Variants in CSE1L observed in about 807,000 individuals in gnomAD.
CSE1L encodes exportin-2.
In CSE1L, 24 loss-of-function variants were observed where a neutral mutation model predicts 120.4. That is an observed-to-expected ratio of 0.20 (90% CI 0.14 to 0.28). The LOEUF is 0.28. Ranked by LOEUF, CSE1L falls within the 10% of genes least tolerant of loss-of-function variation. The probability of loss-of-function intolerance (pLI) is 1.00; values close to 1 mark genes in which losing one functional copy is unlikely to be tolerated. For synonymous variants in CSE1L, 402 were observed against 398.3 expected, an observed-to-expected ratio of 1.01 and a Z score of -0.11; for missense variants, 830 against 1,145.2, an observed-to-expected ratio of 0.72 and a Z score of 3.97.
chr20:49,047,268 G>A (rs757109584), intron 1 of CSE1L, among the ~76,000 whole-genome samples: 1 of 151,996 alleles, frequency 6.6e-6, no homozygotes, highest in Non-Finnish European at 1.5e-5. Flanking sequence ...AATCTACCTC[G>A]GAAAGTGGCT....
intron 21 of CSE1L, 118 bp from the exon 22 acceptor site, chr20:49,091,928 A>G (rs2092104753): frequency 3.1e-6 from 2 of 643,196 alleles, no homozygotes; most frequent in Admixed American, 3.3e-5. Flanking sequence ...GAAGGCAGGT[A>G]TTGATGCCAC....
At chr20:49,087,919 T>C in intron 16 of CSE1L, 90 bp from the exon 17 acceptor site, 1 of 768,006 alleles carries the variant, frequency 1.3e-6, no homozygotes, top group South Asian at 1.7e-5. Context: ...ATTTAGTTGA[T>C]GAATTAGTGC....
chr20:49,073,305 G>A (rs529926360), intron 10 of CSE1L, among the ~76,000 whole-genome samples: 2 of 152,160 alleles, frequency 1.3e-5, no homozygotes, highest in South Asian at 2.1e-4. Flanking sequence ...GAGCCACCTC[G>A]CCCAGAAATA....
At position 49,084,152 on chromosome 20, in the gene CSE1L, A is replaced by G; in HGVS notation, c.1609A>G (p.Asn537Asp). 1 of 1,613,994 alleles carries G rather than the reference A, an allele frequency of 6.2e-7. No homozygotes were observed. The highest frequency in any genetic ancestry group is 8.5e-7 in the Non-Finnish European group (1 of 1,179,908). Residue 537 changes from asparagine (N) to aspartate (D), a missense_variant, in exon 15 of 25, where the codon AAT becomes GAT. Asn to Asp is a conservative substitution (Grantham distance 23). Transcript: ENST00000262982. ...GCTCTTTACTATGCGAGGGCCTAAC[A>G]ATGCCACTCTGTGAGTATTTTATTC... Reference protein sequence around the residue: ...ERLFTMRGPNNATLFTAAEIA... With the variant: ...ERLFTMRGPNDATLFTAAEIA...
intron 1 of CSE1L, among the ~76,000 whole-genome samples, chr20:49,054,927 TTCAAGGTTCAGC>T (rs2091794964): frequency 6.6e-6 from 1 of 152,260 alleles, no homozygotes; most frequent in South Asian, 2.1e-4. Context: ...ACACATATTT[TTCAAGGTTCAGC>T]TCAAGGCTCA....
chr20:49,069,896 A>G (rs932932378), intron 7 of CSE1L, among the ~76,000 whole-genome samples: 66 of 152,268 alleles, frequency 4.3e-4, no homozygotes, highest in African/African-American at 1.5e-3. Context: ...AAGGGGATGT[A>G]TTAGTATGCA....
chr20:49,079,428 A>G (rs1294894029), intron 14 of CSE1L, among the ~76,000 whole-genome samples: 2 of 147,414 alleles, frequency 1.4e-5, no homozygotes, highest in Non-Finnish European at 3.0e-5. Flanking sequence ...GGGTTTCCCC[A>G]TGTTGGCCAA....
At chr20:49,089,428 T>C in intron 18 of CSE1L, 31 bp downstream of exon 18, 1 of 1,607,722 alleles carries the variant, frequency 6.2e-7, no homozygotes, top group Non-Finnish European at 8.5e-7. Flanking sequence ...TTCTTTGTAA[T>C]GGAATAAAAT....
chr20:49,061,807 T>C (rs2091855637), intron 2 of CSE1L, among the ~76,000 whole-genome samples: 1 of 149,638 alleles, frequency 6.7e-6, no homozygotes, highest in African/African-American at 2.5e-5. Flanking sequence ...CCGGCAATTA[T>C]TTTTTTTTTA....
chr20:49,094,286 G>GGTAAGT lies in CSE1L; in HGVS notation c.2594+1_2594+6dup. On this transcript the variant is annotated stop_gained and inframe_insertion and splice_region_variant. Transcript: ENST00000262982. LOFTEE classifies it high-confidence loss of function. ...ATGGACACTGAGTATACCAAACTGT[G>GGTAAGT]GTAAGTACTTCATTTTAATATTTTT... is the stretch of plus-strand genomic sequence containing the variant. 2 of 1,601,888 alleles carry GGTAAGT rather than the reference G, an allele frequency of 1.2e-6. No individual in the cohort carries two copies.
intron 1 of CSE1L, among the ~76,000 whole-genome samples, chr20:49,055,533 A>G (rs1180431056): frequency 6.6e-6 from 1 of 152,100 alleles, no homozygotes; most frequent in African/African-American, 2.4e-5. Context: ...CCTGCGCAAT[A>G]TGGTGAAACC....
At chr20:49,058,126 A>G (rs947123767) in intron 1 of CSE1L, among the ~76,000 whole-genome samples, 1 of 151,720 alleles carries the variant, frequency 6.6e-6, no homozygotes, top group African/African-American at 2.4e-5. Context: ...CTTAACCTTT[A>G]TTAGCCCTTT....
intron 3 of CSE1L, 129 bp downstream of exon 3, chr20:49,063,473 T>C (rs2091868098): frequency 2.1e-6 from 1 of 476,768 alleles, no homozygotes; most frequent in African/African-American, 2.0e-5. Flanking sequence ...GAAGGATCAC[T>C]TGAGTCCAGG....
chr20:49,083,808 C>G (rs572910351), intron 14 of CSE1L, among the ~76,000 whole-genome samples: 1 of 152,132 alleles, frequency 6.6e-6, no homozygotes, highest in Non-Finnish European at 1.5e-5. Flanking sequence ...ATGTTATCCT[C>G]ATAGTTTTGT....
At chr20:49,049,886 G>T (rs2091752398) in intron 1 of CSE1L, among the ~76,000 whole-genome samples, 1 of 152,154 alleles carries the variant, frequency 6.6e-6, no homozygotes, top group South Asian at 2.1e-4. Flanking sequence ...AATTAGCCAG[G>T]TGTGGTGGTG....
intron 14 of CSE1L, among the ~76,000 whole-genome samples, chr20:49,081,644 G>A (rs939382503): frequency 2.6e-5 from 4 of 152,052 alleles, no homozygotes; most frequent in Admixed American, 2.0e-4. Flanking sequence ...GGTGAACTGT[G>A]AATTCATCTT....
intron 15 of CSE1L, 27 bp from the exon 16 acceptor site, chr20:49,085,256 G>T: frequency 1.3e-6 from 2 of 1,574,452 alleles, no homozygotes; most frequent in South Asian, 2.2e-5. Context: ...AGTTGGTAGT[G>T]ACTGAAAGCT....
chr20:49,059,144 A>T (rs1002973760), intron 2 of CSE1L, among the ~76,000 whole-genome samples: 5 of 151,738 alleles, frequency 3.3e-5, no homozygotes, highest in African/African-American at 1.2e-4. Flanking sequence ...AAAAAAAAAA[A>T]GCCTGCTTTA....
chr20:49,047,173 C>T (rs2091719795), intron 1 of CSE1L, among the ~76,000 whole-genome samples: 1 of 152,116 alleles, frequency 6.6e-6, no homozygotes. Flanking sequence ...CAGACGTAGC[C>T]TCTCGTTAGG....
Sources: allele counts gnomAD v4.1 joint callset (sites outside exome capture counted in the v4.1 genomes callset), GRCh38; gene constraint gnomAD v4.1.1; transcripts MANE v1.5; gene names NCBI Gene and HGNC (gene_info 2026-07-23, HGNC 2026-07-21).